The following ZMAT4 variants were observed in gnomAD, a reference collection of about 807,000 sequenced individuals.
ZMAT4 encodes the protein zinc finger matrin-type protein 4.
Under a neutral mutation model 28.7 loss-of-function variants are expected in ZMAT4, and 17 were observed. That is an observed-to-expected ratio of 0.59 (90% CI 0.41 to 0.89). ZMAT4 has a LOEUF of 0.89. Ranked by LOEUF, ZMAT4 falls within the 40% of genes least tolerant of loss-of-function variation. ZMAT4 has a pLI of 0.00. For missense variants in ZMAT4, 240 were observed against 283.8 expected (o/e 0.85, Z 1.11); for synonymous variants, 117 against 109.2 (o/e 1.07, Z -0.44).
chr8:40,728,209 T>G (rs924142597), intron 3 of ZMAT4, among the ~76,000 whole-genome samples: 1 of 152,220 alleles, frequency 6.6e-6, no homozygotes, highest in Non-Finnish European at 1.5e-5. Flanking sequence ...CTTTGCTTGA[T>G]ATTAAAACTT....
Position 40,746,221 on chromosome 8 carries a change from TTCCCTCCCTCCCTCCCTCCCTCCCTCCC to T in ZMAT4, c.192+21392_192+21419del, listed in dbSNP as rs576785797. On this transcript the variant is annotated intron_variant, in intron 3 of 6. Transcript: ENST00000297737. ...CCACCTTCCTTCCCTCCTTCCCTCCTTCCCTCCCTCCCTCCCTCCCTCCCTCCCTCCCTCCCTCCCTCCCTTCCTTCCT... is the reference window on the plus strand; with the variant it reads ...CCACCTTCCTTCCCTCCTTCCCTCCTTCCCTCCCTCCCTCCCTTCCTTCCT... Among the ~76,000 whole-genome samples the T allele has an allele frequency of 6.0e-4, 60 of 100,226 alleles. 1 individual carries two copies. The highest frequency in any genetic ancestry group is 1.0e-3 in the Non-Finnish European group (52 of 50,326). 65.8% of individuals were successfully genotyped at this position (100,226 alleles called of 152,430 possible).
At chr8:40,890,062 A>G (rs1311313888) in intron 1 of ZMAT4, among the ~76,000 whole-genome samples, 3 of 152,280 alleles carry the variant, frequency 2.0e-5, no homozygotes, top group Admixed American at 2.0e-4. Flanking sequence ...TTAATTTCAC[A>G]TTTTTGTTAT....
intron 1 of ZMAT4, among the ~76,000 whole-genome samples, chr8:40,881,433 G>GAGAAAGA (rs1818221391): frequency 1.4e-5 from 1 of 70,228 alleles, no homozygotes. Flanking sequence ...AGAAGAAAGA[G>GAGAAAGA]AGAAAGAAAG....
Position 40,822,514 on chromosome 8 carries a change from G to A in ZMAT4, c.102+3061C>T, listed in dbSNP as rs564652707. On this transcript the variant is annotated intron_variant, in intron 2 of 6. Coordinates refer to ENST00000297737, the MANE Select transcript of ZMAT4 (RefSeq NM_024645.3). The stretch of plus-strand genomic sequence containing the variant: ...TCCATAAGTCACTGCAGCAGGGAAG[G>A]TGTCTCTGGAGAGAAGAGGCAGATT... Among the ~76,000 whole-genome samples the A allele has an allele frequency of 2.6e-5, 4 of 152,324 alleles. No homozygotes were observed. In the South Asian group the frequency reaches 8.3e-4, roughly 32 times the overall value.
intron 3 of ZMAT4, among the ~76,000 whole-genome samples, chr8:40,741,265 C>T (rs367930780): frequency 2.0e-5 from 3 of 151,704 alleles, no homozygotes; most frequent in Admixed American, 6.6e-5. Flanking sequence ...GCTAACATGG[C>T]GAAACTCCAT....
intron 3 of ZMAT4, among the ~76,000 whole-genome samples, chr8:40,714,138 C>A (rs2150510688): frequency 6.6e-6 from 1 of 152,100 alleles, no homozygotes; most frequent in African/African-American, 2.4e-5. Context: ...CATTAGAAAT[C>A]TCTGCTTAGA....
At chr8:40,706,843 A>G (rs1810376519) in intron 3 of ZMAT4, among the ~76,000 whole-genome samples, 1 of 152,140 alleles carries the variant, frequency 6.6e-6, no homozygotes, top group African/African-American at 2.4e-5. Context: ...GCTGCAGGTA[A>G]GTGAAGATTC....
At chr8:40,719,700 G>T in intron 3 of ZMAT4, among the ~76,000 whole-genome samples, 1 of 152,120 alleles carries the variant, frequency 6.6e-6, no homozygotes, top group East Asian at 1.9e-4. Context: ...CTACAGAGTA[G>T]CAGGGACTAC....
intron 2 of ZMAT4, among the ~76,000 whole-genome samples, chr8:40,809,758 T>C (rs1815245430): frequency 6.6e-6 from 1 of 152,094 alleles, no homozygotes. Context: ...TATAAAAATA[T>C]TGTTGCTGGG....
chr8:40,611,139 A>G (rs766869727), intron 5 of ZMAT4, among the ~76,000 whole-genome samples: 1 of 152,200 alleles, frequency 6.6e-6, no homozygotes, highest in Non-Finnish European at 1.5e-5. Flanking sequence ...ACTATGCAAT[A>G]GCTTATTTGA....
At chr8:40,771,166 A>C (rs958246086) in intron 2 of ZMAT4, among the ~76,000 whole-genome samples, 2 of 151,542 alleles carry the variant, frequency 1.3e-5, no homozygotes, top group East Asian at 3.9e-4. Flanking sequence ...ATATATATAC[A>C]CACACACTCA....
chr8:40,574,999 C>A (rs1804215298), intron 6 of ZMAT4, among the ~76,000 whole-genome samples: 1 of 152,172 alleles, frequency 6.6e-6, no homozygotes, highest in African/African-American at 2.4e-5. Flanking sequence ...TGGAGTGTGA[C>A]CTGTTCTGGG....
chr8:40,591,476 A>G (rs995227849), intron 5 of ZMAT4, among the ~76,000 whole-genome samples: 7 of 152,174 alleles, frequency 4.6e-5, no homozygotes, highest in African/African-American at 1.7e-4. Context: ...GAGGCTGGGG[A>G]CACTAAGACA....
intron 3 of ZMAT4, among the ~76,000 whole-genome samples, chr8:40,723,144 A>C (rs561170058): frequency 6.6e-6 from 1 of 152,198 alleles, no homozygotes; most frequent in Non-Finnish European, 1.5e-5. Context: ...TTGCCTATGA[A>C]TACCAAGGAC....
At chr8:40,790,670 G>A (rs35282516) in intron 2 of ZMAT4, among the ~76,000 whole-genome samples, 21,705 of 152,006 alleles carry the variant, frequency 0.14, 1,939 homozygotes, top group Non-Finnish European at 0.2. Context: ...TTAATACTAT[G>A]GATTAAAGAC....
At chr8:40,618,012 C>T (rs1359330695) in intron 5 of ZMAT4, among the ~76,000 whole-genome samples, 3 of 152,180 alleles carry the variant, frequency 2.0e-5, no homozygotes, top group Admixed American at 6.5e-5. Flanking sequence ...TCAAATTCTA[C>T]CACACTCTCT....
chr8:40,796,379 C>CA (rs986013076), intron 2 of ZMAT4, among the ~76,000 whole-genome samples: 10 of 151,944 alleles, frequency 6.6e-5, no homozygotes, highest in Non-Finnish European at 1.3e-4. Flanking sequence ...AAAATGAAAA[C>CA]AAAAAAACAT....
intron 5 of ZMAT4, among the ~76,000 whole-genome samples, chr8:40,623,715 C>A (rs1380202558): frequency 1.3e-5 from 2 of 152,134 alleles, no homozygotes; most frequent in African/African-American, 4.8e-5. Flanking sequence ...TCACACAGGG[C>A]ATGAGAGACA....
At chr8:40,876,863 A>C (rs1258582228) in intron 1 of ZMAT4, among the ~76,000 whole-genome samples, 1 of 152,220 alleles carries the variant, frequency 6.6e-6, no homozygotes, top group African/African-American at 2.4e-5. Flanking sequence ...CTGTATTACG[A>C]ATCTGGCAGC....
Sources: gnomAD v4.1 joint callset for allele counts (sites outside exome capture counted in the v4.1 genomes callset) on GRCh38, gnomAD v4.1.1 for gene constraint, MANE v1.5 for transcripts, NCBI Gene and HGNC (gene_info 2026-07-23, HGNC 2026-07-21) for gene names.